TRPM7: variants seen among roughly 807,000 people sequenced by gnomAD.
TRPM7 encodes LTRPC ion channel family member 7.
TRPM7 carries 134 observed loss-of-function variants against 229.7 expected under a neutral mutation model. That is an observed-to-expected ratio of 0.58 (90% CI 0.51 to 0.67). The LOEUF is 0.67. TRPM7 is among the 30% of genes least tolerant of loss of function. The pLI is 0.00. For synonymous variants in TRPM7, 699 were observed against 715.2 expected (o/e 0.98, Z 0.36); for missense variants, 1,901 against 2,210.0 (o/e 0.86, Z 2.80).
At chr15:50,578,606 T>A in intron 31 of TRPM7, 33 bp downstream of exon 31, 1 of 1,603,702 alleles carries the variant, frequency 6.2e-7, no homozygotes, top group Non-Finnish European at 8.5e-7. Flanking sequence ...AGATTCTCAT[T>A]TTTTTCACGT....
At chr15:50,663,495 C>T (rs1735861480) in intron 1 of TRPM7, among the ~76,000 whole-genome samples, 1 of 152,032 alleles carries the variant, frequency 6.6e-6, no homozygotes, top group African/African-American at 2.4e-5. Context: ...AGGATGGCAC[C>T]CCAAAACGTC....
Position 50,648,828 on chromosome 15 carries a change from C to T in TRPM7, c.180G>A (p.Met60Ile). The change falls in exon 4 of 39, where the codon ATG becomes ATA. Residue 60 changes from methionine (M) to isoleucine (I), a missense_variant. Around this residue, in one of 8 missense-constraint regions of TRPM7, gnomAD observed 794 missense variants for 881.9 expected, o/e 0.90. Coordinates refer to ENST00000646667, the MANE Select transcript of TRPM7 (RefSeq NM_017672.6). ...CACCCAATTTCACATCTGAGTATTTCATGGCAAGACTTGCAGTAAAACAAG... is the reference window on the plus strand; with the variant it reads ...CACCCAATTTCACATCTGAGTATTTTATGGCAAGACTTGCAGTAAAACAAG... ...QHACFTASLA[M>I]KYSDVKLGDH... is the part of the protein sequence containing the mutation. 6.2e-7 allele frequency: 1 copy of T among 1,612,982 alleles called. No homozygotes were observed. The highest frequency in any genetic ancestry group is 1.1e-5 in the South Asian group (1 of 90,916).
rs1043699721 is a variant in TRPM7, at chr15:50,657,696, T to C, written c.122+85A>G. On this transcript the variant is annotated intron_variant, in intron 3 of 38. Transcript: ENST00000646667. ...CAAATATAATAGCATGTGAGTTTCA[T>C]GCCACTGTGTTCTAACTCATATTTC... 8.4e-5 allele frequency: 102 copies of C among 1,211,490 alleles called. 1 individual carries two copies. The highest frequency in any genetic ancestry group is 1.2e-4 in the Non-Finnish European group (97 of 836,192). The allele number at this position is 1,211,490 out of a possible 1,614,324, so 75.0% of individuals were successfully genotyped here.
At chr15:50,613,626 GTT>G in intron 15 of TRPM7, 79 bp downstream of exon 15, 2 of 1,229,388 alleles carry the variant, frequency 1.6e-6, no homozygotes, top group East Asian at 3.0e-5. Context: ...AAATCAATTA[GTT>G]TTTTTTGTTT....
At position 50,609,874 on chromosome 15, in the gene TRPM7, C is replaced by T. The variant is rs1342329120; in HGVS notation, c.2368G>A (p.Asp790Asn). Residue 790 changes from aspartate (D) to asparagine (N), a missense_variant, in exon 18 of 39, where the codon GAT becomes AAT. Around this residue, in one of 8 missense-constraint regions of TRPM7, gnomAD observed 207 missense variants for 241.5 expected, o/e 0.86. Coordinates refer to ENST00000646667, the MANE Select transcript of TRPM7 (RefSeq NM_017672.6). ...TCATCCATTGTCATCTGATGAGCAT[C>T]TTGAGATTGTGGGATATGGGACATT... Reference protein sequence around the residue: ...AEMSHIPQSQDAHQMTMDDSE... With the variant: ...AEMSHIPQSQNAHQMTMDDSE... 6.2e-7 allele frequency: 1 copy of T among 1,613,204 alleles called. No homozygotes were observed. Among genetic ancestry groups the T allele is most frequent in the African/African-American group, 1.3e-5 (1 of 74,986 alleles).
chr15:50,644,797 CAAA>C (rs201997665), intron 4 of TRPM7, among the ~76,000 whole-genome samples: 3 of 64,822 alleles, frequency 4.6e-5, no homozygotes, highest in African/African-American at 2.7e-4. Flanking sequence ...AACTGCGTCT[CAAA>C]AAAAAAAAAA....
At position 50,604,757 on chromosome 15, in the gene TRPM7, CAAAAT is replaced by C. The variant is rs201228721; in HGVS notation, c.2988+104_2988+108del. The C allele has an allele frequency of 9.5e-4, 1,103 of 1,155,882 alleles. 11 individuals carry two copies. The African/African-American group carries it at 0.016, about 16-fold the overall frequency. The allele number at this position is 1,155,882 out of a possible 1,614,324, so 71.6% of individuals were successfully genotyped here. A position where few individuals can be genotyped will look rare whatever the true frequency, so the allele number is the denominator to read the frequency against. On this transcript the variant is annotated intron_variant, in intron 21 of 38. Transcript: ENST00000646667. ...ATGTGAAGTATGAGGCAAACAAACACAAAATAAAAGACATTCACTGGCTCAAATAA... is the reference window on the plus strand; with the variant it reads ...ATGTGAAGTATGAGGCAAACAAACACAAAAGACATTCACTGGCTCAAATAA...
intron 3 of TRPM7, among the ~76,000 whole-genome samples, chr15:50,654,370 C>T (rs1175861876): frequency 6.6e-6 from 1 of 151,256 alleles, no homozygotes; most frequent in East Asian, 1.9e-4. Context: ...TTGCTTGAAC[C>T]CGGGAGGCAG....
At chr15:50,649,299 T>A (rs11634746) in intron 3 of TRPM7, among the ~76,000 whole-genome samples, 49,954 of 151,892 alleles carry the variant, frequency 0.33, 10,025 homozygotes, top group Admixed American at 0.47. Context: ...ATTAGGCAAG[T>A]GTGGTGGCAT....
chr15:50,611,633 T>G (rs1270724499), intron 16 of TRPM7, among the ~76,000 whole-genome samples: 1 of 152,068 alleles, frequency 6.6e-6, no homozygotes, highest in East Asian at 1.9e-4. Context: ...TTCAAAAAAG[T>G]TTATGTAGTA....
chr15:50,677,568 A>T (rs1393692813), intron 1 of TRPM7, among the ~76,000 whole-genome samples: 1 of 151,200 alleles, frequency 6.6e-6, no homozygotes, highest in Non-Finnish European at 1.5e-5. Flanking sequence ...GTGAAACCCC[A>T]TCCCTACTAA....
At position 50,560,811 on chromosome 15, in the gene TRPM7, T is replaced by C. The variant is rs576371841; in HGVS notation, c.*867A>G. The C allele has an allele frequency of 6.5e-6, 1 of 152,758 alleles. No homozygotes were observed. Among genetic ancestry groups the C allele is most frequent in the African/African-American group, 2.4e-5 (1 of 41,572 alleles). 9.5% of individuals were successfully genotyped at this position (152,758 alleles called of 1,614,324 possible). A position where few individuals can be genotyped will look rare whatever the true frequency, so the allele number is the denominator to read the frequency against. ...TTGATATAACAATCAATAAAATCTT[T>C]GGAGAAGTTTGTAAGTTCTGGGTTG... On this transcript the variant is annotated 3_prime_UTR_variant, in exon 39 of 39. Coordinates refer to ENST00000646667, the MANE Select transcript of TRPM7 (RefSeq NM_017672.6).
chr15:50,659,760 T>G (rs2061680487), intron 2 of TRPM7, among the ~76,000 whole-genome samples: 1 of 152,062 alleles, frequency 6.6e-6, no homozygotes, highest in Admixed American at 6.6e-5. Flanking sequence ...CTCCGTCTCC[T>G]GGATTCAAGC....
chr15:50,612,845 A>C lies in TRPM7; in HGVS notation c.1771-16T>G. 6.3e-7 allele frequency: 1 copy of C among 1,599,742 alleles called. No individual in the cohort carries two copies. ...CTGTATCAATCTTCCAGGGAAAATA[A>C]AGTTATAAAGCTCATTATAATAAGG... On this transcript the variant is annotated splice_polypyrimidine_tract_variant and intron_variant, in intron 15 of 38. Coordinates refer to ENST00000646667, the MANE Select transcript of TRPM7 (RefSeq NM_017672.6).
Position 50,678,239 on chromosome 15 carries a change from CAAAAAA to C in TRPM7, c.3+8286_3+8291del, listed in dbSNP as rs527874854. Among the ~76,000 whole-genome samples the C allele has an allele frequency of 4.2e-4, 39 of 92,102 alleles. 1 individual carries two copies. The highest frequency in any genetic ancestry group is 1.2e-3 in the African/African-American group (34 of 27,816). The allele number at this position is 92,102 out of a possible 152,430, so 60.4% of individuals were successfully genotyped here. On this transcript the variant is annotated intron_variant, in intron 1 of 38. Coordinates refer to ENST00000646667, the MANE Select transcript of TRPM7 (RefSeq NM_017672.6). ...TGGGCAACAGAGTGAGACTCTCTCTCAAAAAAAAAAAACAAAAACAAAAACAAAAAC... is the reference window on the plus strand; with the variant it reads ...TGGGCAACAGAGTGAGACTCTCTCTCAAAAAACAAAAACAAAAACAAAAAC...
intron 1 of TRPM7, among the ~76,000 whole-genome samples, chr15:50,664,166 C>T (rs952790966): frequency 5.3e-5 from 8 of 151,208 alleles, no homozygotes; most frequent in South Asian, 2.1e-4. Flanking sequence ...GGTGTGGTGG[C>T]GTGTGCCTGT....
intron 12 of TRPM7, among the ~76,000 whole-genome samples, chr15:50,621,558 T>C (rs191364500): frequency 6.6e-6 from 1 of 152,332 alleles, no homozygotes; most frequent in East Asian, 1.9e-4. Context: ...ATTGTATTAT[T>C]TCATTCTTAT....
intron 1 of TRPM7, among the ~76,000 whole-genome samples, chr15:50,673,651 C>T (rs1328720905): frequency 2.7e-5 from 4 of 149,050 alleles, no homozygotes; most frequent in African/African-American, 1.0e-4. Context: ...TATATATATA[C>T]CACAGTTTCT....
In TRPM7 at chr15:50,592,100, T is replaced by C; in HGVS notation, c.4135A>G (p.Asn1379Asp). ...GAACTGCCTAATTTTTGATTTTTAT[T>C]AAATATTTTTAAGAGTTCTACCCCA... ...LHGVELLKIF[N>D]KNQKLGSSST... The change falls in exon 26 of 39, where the codon AAT becomes GAT. Residue 1379 changes from asparagine (N) to aspartate (D), a missense_variant. This residue lies in a region of TRPM7 where 533 missense variants were observed against 497.1 expected (regional missense o/e 1.07). Coordinates refer to ENST00000646667, the MANE Select transcript of TRPM7 (RefSeq NM_017672.6). 14 of 1,609,980 alleles carry C rather than the reference T, an allele frequency of 8.7e-6. No individual in the cohort carries two copies. The highest frequency in any genetic ancestry group is 1.2e-5 in the Non-Finnish European group (14 of 1,178,882).
Sources: allele counts gnomAD v4.1 joint callset (sites outside exome capture counted in the v4.1 genomes callset), GRCh38; gene constraint gnomAD v4.1.1; regional missense constraint gnomAD v4.1.1; transcripts MANE v1.5; gene names NCBI Gene and HGNC (gene_info 2026-07-23, HGNC 2026-07-21).